LINGO2: variants seen among roughly 807,000 people sequenced by gnomAD.
The protein encoded by LINGO2 is leucine rich repeat and Ig domain containing 2.
A neutral mutation model predicts 30.6 loss-of-function variants in LINGO2; 14 were observed. The ratio of observed to expected loss-of-function variants is 0.46; its 90% CI spans 0.30 to 0.72. The LOEUF is 0.72. Ranked by LOEUF, LINGO2 falls within the 30% of genes least tolerant of loss-of-function variation. The pLI, the probability that LINGO2 is intolerant of heterozygous loss-of-function variation, is 0.07. For missense variants in LINGO2, 729 were observed against 751.7 expected, an observed-to-expected ratio of 0.97 and a Z score of 0.35; for synonymous variants, 317 against 288.5, an observed-to-expected ratio of 1.10 and a Z score of -1.00.
chr9:28,741,999 C>T, the LINGO2 span, among the ~76,000 whole-genome samples: 1 of 151,968 alleles, frequency 6.6e-6, no homozygotes, highest in African/African-American at 2.4e-5. Context: ...ATCTTCAGGG[C>T]ATGTCTTGAG....
intron 2 of LINGO2, among the ~76,000 whole-genome samples, chr9:28,421,811 TACAGGCATATAG>T: frequency 6.6e-6 from 1 of 152,046 alleles, no homozygotes; most frequent in Non-Finnish European, 1.5e-5. Context: ...CTTGCATAAA[TACAGGCATATAG>T]ACCAAAAAAA....
intron 4 of LINGO2, among the ~76,000 whole-genome samples, chr9:28,033,693 C>T (rs1823793543): frequency 6.6e-6 from 1 of 152,044 alleles, no homozygotes; most frequent in South Asian, 2.1e-4. Context: ...TTCTATTCTG[C>T]CCCAATTTAA....
At chr9:28,635,822 CTGTT>C (rs982138884) in intron 1 of LINGO2, among the ~76,000 whole-genome samples, 67 of 151,808 alleles carry the variant, frequency 4.4e-4, no homozygotes, top group African/African-American at 1.4e-3. Context: ...TTTTGTTTGT[CTGTT>C]TGTTTGTTTT....
chr9:29,017,590 C>G, the LINGO2 span, among the ~76,000 whole-genome samples: 1 of 151,980 alleles, frequency 6.6e-6, no homozygotes, highest in African/African-American at 2.4e-5. Flanking sequence ...AAACACTGAC[C>G]CTGCAAGCCA....
rs1199781573 is a variant in LINGO2 at position 28,397,376 on chromosome 9, T to TAC, written c.-278-24509_-278-24508insGT. On this transcript the variant is annotated intron_variant, in intron 2 of 5. Transcript: ENST00000379992. ...TGAAGTATATATATATATATATACA[T>TAC]ATATATATATACACACATTATGGTA... 5.8e-3 allele frequency among the ~76,000 whole-genome samples: 540 copies of TAC among 92,628 alleles called. 6 individuals carry two copies. The highest frequency in any genetic ancestry group is 0.018 in the African/African-American group (522 of 29,084). 60.8% of individuals were successfully genotyped at this position (92,628 alleles called of 152,430 possible). A position where few individuals can be genotyped will look rare whatever the true frequency, so the allele number is the denominator to read the frequency against.
the LINGO2 span, among the ~76,000 whole-genome samples, chr9:29,089,491 A>G: frequency 4.6e-5 from 7 of 152,194 alleles, no homozygotes; most frequent in South Asian, 2.1e-4. Flanking sequence ...AACGATGCAC[A>G]CAAAGGTCTA....
chr9:29,170,326 T>A, the LINGO2 span, among the ~76,000 whole-genome samples: 1 of 152,148 alleles, frequency 6.6e-6, no homozygotes, highest in African/African-American at 2.4e-5. Flanking sequence ...GAGGCCATTA[T>A]CCTAAGTGAA....
At chr9:28,318,657 A>T (rs145771179) in intron 3 of LINGO2, among the ~76,000 whole-genome samples, 1 of 152,296 alleles carries the variant, frequency 6.6e-6, no homozygotes, top group South Asian at 2.1e-4. Flanking sequence ...TGTATTGTCT[A>T]TTGACAAGAA....
intron 5 of LINGO2, among the ~76,000 whole-genome samples, chr9:27,994,754 A>G (rs2119066889): frequency 6.6e-6 from 1 of 152,306 alleles, no homozygotes; most frequent in South Asian, 2.1e-4. Flanking sequence ...AAAGCCTGAG[A>G]CAGGGACTAG....
intron 4 of LINGO2, among the ~76,000 whole-genome samples, chr9:28,020,526 C>T (rs1430010431): frequency 1.7e-5 from 2 of 115,388 alleles, no homozygotes; most frequent in African/African-American, 6.3e-5. Flanking sequence ...GAGACTCTGT[C>T]TTATAAAAAC....
chr9:29,158,298 G>A, the LINGO2 span, among the ~76,000 whole-genome samples: 21 of 151,890 alleles, frequency 1.4e-4, no homozygotes, highest in African/African-American at 5.1e-4. Context: ...CAAGGCTACA[G>A]CGAGCTGAGA....
the LINGO2 span, among the ~76,000 whole-genome samples, chr9:28,945,782 T>C: frequency 6.6e-6 from 1 of 152,178 alleles, no homozygotes; most frequent in Non-Finnish European, 1.5e-5. Flanking sequence ...AAAAGCCTCA[T>C]GATAACGGAA....
At chr9:28,309,689 C>T (rs995280828) in intron 3 of LINGO2, among the ~76,000 whole-genome samples, 3 of 151,314 alleles carry the variant, frequency 2.0e-5, no homozygotes, top group Non-Finnish European at 4.4e-5. Context: ...CAATTTAAAA[C>T]GTTTTTGCAT....
the LINGO2 span, among the ~76,000 whole-genome samples, chr9:29,176,568 C>T: frequency 1.3e-5 from 2 of 152,168 alleles, no homozygotes; most frequent in Non-Finnish European, 2.9e-5. Context: ...GCAAACTGTG[C>T]TTAATCTTGT....
At chr9:28,354,270 A>T (rs1241370758) in intron 3 of LINGO2, among the ~76,000 whole-genome samples, 1 of 152,180 alleles carries the variant, frequency 6.6e-6, no homozygotes, top group Non-Finnish European at 1.5e-5. Context: ...TTTGGGAAAG[A>T]TGAGGATGTA....
chr9:28,047,939 A>G lies in LINGO2; in HGVS notation c.-86-35534T>C, dbSNP rs1187235595. On this transcript the variant is annotated intron_variant, in intron 4 of 5. Transcript: ENST00000379992. The stretch of plus-strand genomic sequence containing the variant: ...AGTGCAACTTCAAAGTAGCAATGTG[A>G]TTTTTTAGAATCAACGTAATTTCCA... Among the ~76,000 whole-genome samples, 5 of 150,788 alleles carry G rather than the reference A, an allele frequency of 3.3e-5. No homozygotes were observed. The East Asian group carries it at 9.8e-4, about 30-fold the overall frequency.
intron 2 of LINGO2, among the ~76,000 whole-genome samples, chr9:28,434,172 T>C (rs554335976): frequency 2.0e-5 from 3 of 151,360 alleles, no homozygotes; most frequent in Non-Finnish European, 1.5e-5. Context: ...GGCATAAGAA[T>C]GATATAATGG....
chr9:28,397,386 T>TAC (rs954995809), intron 2 of LINGO2, among the ~76,000 whole-genome samples: 25 of 149,074 alleles, frequency 1.7e-4, no homozygotes, highest in African/African-American at 4.2e-4. Context: ...TATATATATA[T>TAC]ACACACATTA....
chr9:28,549,013 A>G (rs1293181062), intron 1 of LINGO2, among the ~76,000 whole-genome samples: 1 of 152,072 alleles, frequency 6.6e-6, no homozygotes, highest in Non-Finnish European at 1.5e-5. Context: ...ACTGCAAAAC[A>G]TTAACCTGTA....
Sources: gnomAD v4.1 joint callset for allele counts (sites outside exome capture counted in the v4.1 genomes callset) on GRCh38, gnomAD v4.1.1 for gene constraint, MANE v1.5 for transcripts, NCBI Gene and HGNC (gene_info 2026-07-23, HGNC 2026-07-21) for gene names.